The following GALNT3 variants were observed in gnomAD, a reference collection of about 807,000 sequenced individuals.
GALNT3 encodes GalNAc transferase 3.
In GALNT3, 51 loss-of-function variants were observed where a neutral mutation model predicts 69.8. The observed-to-expected ratio is 0.73, with a 90% CI of 0.58 to 0.92. The LOEUF (loss-of-function observed/expected upper bound fraction) is 0.92. Among genes scored for constraint, GALNT3 ranks in the 40% least tolerant of loss-of-function variants. The pLI is 0.00. For synonymous variants in GALNT3, 265 were observed against 248.5 expected, an observed-to-expected ratio of 1.07 and a Z score of -0.63; for missense variants, 711 against 760.0, an observed-to-expected ratio of 0.94 and a Z score of 0.76.
chr2:165,761,829 A>C (rs530903519), intron 4 of GALNT3, 76 bp downstream of exon 4: 6 of 1,515,180 alleles, frequency 4.0e-6, no homozygotes, highest in African/African-American at 1.4e-5. Flanking sequence ...TTAGAAAAGA[A>C]AAGACTTCCT....
rs1688738994 is a variant in GALNT3, at chr2:165,770,780, T to C, written c.-80A>G. On this transcript the variant is annotated 5_prime_UTR_variant, in exon 2 of 11. Transcript: ENST00000392701. ...CTTATATTTTTTATCATAGATTTGCTGAGAAGAAGGTATCTTTAATGGTAG... is the reference window on the plus strand; with the variant it reads ...CTTATATTTTTTATCATAGATTTGCCGAGAAGAAGGTATCTTTAATGGTAG... 6.6e-7 allele frequency: 1 copy of C among 1,505,076 alleles called. No homozygotes were observed. The allele number at this position is 1,505,076 out of a possible 1,614,324, so 93.2% of individuals were successfully genotyped here.
At position 165,757,257 on chromosome 2, in the gene GALNT3, AATG is replaced by A; in HGVS notation, c.1192-13_1192-11del. On this transcript the variant is annotated splice_polypyrimidine_tract_variant and intron_variant, in intron 6 of 10. Coordinates refer to ENST00000392701, the MANE Select transcript of GALNT3 (RefSeq NM_004482.4). ...CACCACATTGCCATACCTGATAATT[AATG>A]ATATTTGTTTAAATTTACAGTATTT... 6.2e-7 allele frequency: 1 copy of A among 1,611,042 alleles called. No individual in the cohort carries two copies. The highest frequency in any genetic ancestry group is 8.5e-7 in the Non-Finnish European group (1 of 1,177,278).
chr2:165,753,586 G>A (rs977129782), intron 9 of GALNT3, among the ~76,000 whole-genome samples: 1 of 152,024 alleles, frequency 6.6e-6, no homozygotes, highest in African/African-American at 2.4e-5. Context: ...CAGAGTATCT[G>A]GCATGCAGGG....
chr2:165,762,154 C>T (rs1408725456), intron 3 of GALNT3, 100 bp from the exon 4 acceptor site: 1 of 919,254 alleles, frequency 1.1e-6, no homozygotes, highest in African/African-American at 1.7e-5. Context: ...CTTCCAAATT[C>T]ATAATCTTAA....
intron 1 of GALNT3, among the ~76,000 whole-genome samples, chr2:165,773,585 T>G (rs1688791970): frequency 6.6e-6 from 1 of 152,148 alleles, no homozygotes; most frequent in Admixed American, 6.5e-5. Context: ...GCAAATGTAA[T>G]ATGCTAATGG....
chr2:165,780,832 C>T (rs1683090585), intron 1 of GALNT3, among the ~76,000 whole-genome samples: 1 of 152,078 alleles, frequency 6.6e-6, no homozygotes, highest in East Asian at 1.9e-4. Flanking sequence ...CTAGTTCTGT[C>T]TCATGTACTA....
intron 6 of GALNT3, among the ~76,000 whole-genome samples, chr2:165,758,123 T>G (rs1319699081): frequency 3.9e-5 from 6 of 152,194 alleles, no homozygotes; most frequent in Non-Finnish European, 8.8e-5. Flanking sequence ...CAGTTCAAAC[T>G]TGGCTAAGAT....
rs371057684 is a variant in GALNT3 at position 165,782,543 on chromosome 2, C to T, written c.-109+11472G>A. On this transcript the variant is annotated intron_variant, in intron 1 of 10. Coordinates refer to ENST00000392701, the MANE Select transcript of GALNT3 (RefSeq NM_004482.4). ...CAATATAGAGATTCTGCCAGTTACC[C>T]AGTATGTCTATTCCAATTATTCATT... Among the ~76,000 whole-genome samples, 13 of 152,250 alleles carry T rather than the reference C, an allele frequency of 8.5e-5. No homozygotes were observed. The East Asian group carries it at 2.3e-3, about 27-fold the overall frequency.
chr2:165,757,001 C>T (rs369192067), intron 7 of GALNT3, 46 bp downstream of exon 7: 8 of 1,459,382 alleles, frequency 5.5e-6, no homozygotes, highest in Non-Finnish European at 7.7e-6. Flanking sequence ...GACGTGTGAA[C>T]TTGTTATAGA....
At chr2:165,792,895 A>T (rs1340241908) in intron 1 of GALNT3, among the ~76,000 whole-genome samples, 2 of 152,208 alleles carry the variant, frequency 1.3e-5, no homozygotes, top group East Asian at 3.9e-4. Context: ...TCCCACAAGC[A>T]GAGATTTTCT....
At chr2:165,764,549 C>G (rs533914943) in intron 3 of GALNT3, among the ~76,000 whole-genome samples, 19 of 152,250 alleles carry the variant, frequency 1.2e-4, no homozygotes, top group African/African-American at 4.6e-4. Flanking sequence ...AGTAACTTGC[C>G]CAAGTCATAT....
chr2:165,758,380 T>C lies in GALNT3; in HGVS notation c.1191+367A>G, dbSNP rs547731221. ...ATTCATTCCAAACAGTTAAGTCCAA[T>C]GTCCTTTAAAATTATTCATAAATGT... On this transcript the variant is annotated intron_variant, in intron 6 of 10. Coordinates refer to ENST00000392701, the MANE Select transcript of GALNT3 (RefSeq NM_004482.4). Among the ~76,000 whole-genome samples, 5 of 152,302 alleles carry C rather than the reference T, an allele frequency of 3.3e-5. No individual in the cohort carries two copies. The South Asian group carries it at 6.2e-4, about 19-fold the overall frequency.
intron 1 of GALNT3, among the ~76,000 whole-genome samples, chr2:165,783,286 G>T (rs1425827918): frequency 2.0e-5 from 3 of 151,724 alleles, no homozygotes; most frequent in African/African-American, 7.2e-5. Flanking sequence ...GTATTTGGAG[G>T]ATGGGCAGGT....
At chr2:165,759,289 G>A in intron 5 of GALNT3, 47 bp downstream of exon 5, 1 of 1,433,666 alleles carries the variant, frequency 7.0e-7, no homozygotes, top group Non-Finnish European at 9.8e-7. Context: ...CATATTCAAT[G>A]TATGGTATAG....
chr2:165,769,014 C>T (rs974640445), intron 2 of GALNT3, among the ~76,000 whole-genome samples: 1 of 149,414 alleles, frequency 6.7e-6, no homozygotes, highest in Non-Finnish European at 1.5e-5. Flanking sequence ...AGGCTGCTCT[C>T]AAACTCCTGA....
intron 1 of GALNT3, among the ~76,000 whole-genome samples, chr2:165,783,128 A>G (rs925603683): frequency 2.6e-5 from 4 of 152,134 alleles, no homozygotes; most frequent in African/African-American, 9.7e-5. Context: ...ATGGAATTTC[A>G]TCATCTCCAG....
At chr2:165,764,837 C>T (rs1322072376) in intron 3 of GALNT3, 47 bp downstream of exon 3, 1 of 1,593,296 alleles carries the variant, frequency 6.3e-7, no homozygotes, top group Admixed American at 1.7e-5. Context: ...CTGTAGATAC[C>T]ACAATATGGA....
Position 165,757,266 on chromosome 2 carries a change from T to C in GALNT3, c.1192-19A>G. On this transcript the variant is annotated intron_variant, in intron 6 of 10. Transcript: ENST00000392701. ...GCCATACCTGATAATTAATGATATT[T>C]GTTTAAATTTACAGTATTTTAGAAA... 6.2e-7 allele frequency: 1 copy of C among 1,609,204 alleles called. No individual in the cohort carries two copies. Among genetic ancestry groups the C allele is most frequent in the Non-Finnish European group, 8.5e-7 (1 of 1,175,700 alleles).
intron 3 of GALNT3, among the ~76,000 whole-genome samples, chr2:165,763,390 A>G (rs1688585671): frequency 6.6e-6 from 1 of 152,190 alleles, no homozygotes; most frequent in Non-Finnish European, 1.5e-5. Context: ...TTAAACATTC[A>G]TAAGAGAGGA....
Sources: allele counts gnomAD v4.1 joint callset (sites outside exome capture counted in the v4.1 genomes callset), GRCh38; gene constraint gnomAD v4.1.1; transcripts MANE v1.5; gene names NCBI Gene and HGNC (gene_info 2026-07-23, HGNC 2026-07-21).